The following LTBP1 variants were observed in gnomAD, a reference collection of about 807,000 sequenced individuals.
The protein encoded by LTBP1 is latent-transforming growth factor beta-binding protein 1.
A neutral mutation model predicts 207.6 loss-of-function variants in LTBP1; 129 were observed. That is an observed-to-expected ratio of 0.62 (90% CI 0.54 to 0.72). LTBP1 has a LOEUF of 0.72. Among genes scored for constraint, LTBP1 ranks in the 30% least tolerant of loss-of-function variants. The pLI is 0.00. For missense variants in LTBP1, 2,281 were observed against 2,217.2 expected, an observed-to-expected ratio of 1.03 and a Z score of -0.58; for synonymous variants, 963 against 833.7, an observed-to-expected ratio of 1.16 and a Z score of -2.67.
intron 7 of LTBP1, among the ~76,000 whole-genome samples, chr2:33,204,053 T>G (rs766748345): frequency 3.2e-4 from 49 of 152,326 alleles, no homozygotes; most frequent in African/African-American, 7.9e-4. Context: ...AAGAATCATC[T>G]GGTTTACTAA....
chr2:33,369,845 A>G (rs868761829), intron 31 of LTBP1, among the ~76,000 whole-genome samples: 2 of 152,240 alleles, frequency 1.3e-5, no homozygotes, highest in African/African-American at 4.8e-5. Flanking sequence ...CACAGGTCCT[A>G]TGATTAGTTG....
chr2:33,367,942 C>T (rs116837547), intron 31 of LTBP1, among the ~76,000 whole-genome samples: 3,866 of 152,208 alleles, frequency 0.025, 62 homozygotes, highest in South Asian at 0.049. Flanking sequence ...TGGCCGTGCG[C>T]GGTGGCTCAT....
chr2:33,005,614 T>TTTTTA (rs1686741322), intron 2 of LTBP1, among the ~76,000 whole-genome samples: 1 of 141,928 alleles, frequency 7.0e-6, no homozygotes, highest in African/African-American at 2.6e-5. Flanking sequence ...TTTTTTTTTT[T>TTTTTA]GAGACAGTGT....
chr2:33,157,598 A>G (rs75401949), intron 5 of LTBP1, among the ~76,000 whole-genome samples: 2,327 of 152,298 alleles, frequency 0.015, 24 homozygotes, highest in East Asian at 0.027. Context: ...TCTGACTCCC[A>G]TTGCATTTCC....
intron 26 of LTBP1, among the ~76,000 whole-genome samples, chr2:33,359,958 G>C (rs1463743962): frequency 6.6e-6 from 1 of 152,112 alleles, no homozygotes; most frequent in Non-Finnish European, 1.5e-5. Context: ...TTTCCTCTAG[G>C]ACACAGTTGA....
intron 2 of LTBP1, among the ~76,000 whole-genome samples, chr2:33,011,647 T>G (rs1003912499): frequency 6.6e-6 from 1 of 152,060 alleles, no homozygotes; most frequent in Non-Finnish European, 1.5e-5. Flanking sequence ...CTCTGTTATT[T>G]AAGCCCCTGA....
intron 3 of LTBP1, among the ~76,000 whole-genome samples, chr2:33,035,250 C>T (rs2149353794): frequency 6.6e-6 from 1 of 152,256 alleles, no homozygotes; most frequent in Admixed American, 6.5e-5. Flanking sequence ...TGTAGTTTTA[C>T]TTAGTTCTAA....
At chr2:33,003,318 C>T (rs1686318787) in intron 2 of LTBP1, among the ~76,000 whole-genome samples, 2 of 152,238 alleles carry the variant, frequency 1.3e-5, no homozygotes, top group African/African-American at 4.8e-5. Context: ...ACTAACTTCA[C>T]TCCCTGCTTT....
intron 24 of LTBP1, among the ~76,000 whole-genome samples, chr2:33,315,903 C>G (rs906402216): frequency 6.6e-6 from 1 of 152,142 alleles, no homozygotes; most frequent in Non-Finnish European, 1.5e-5. Flanking sequence ...CACCATTGCA[C>G]TCCAGCCTGG....
intron 26 of LTBP1, among the ~76,000 whole-genome samples, chr2:33,358,302 G>T (rs1418810544): frequency 1.3e-5 from 2 of 151,640 alleles, no homozygotes; most frequent in African/African-American, 4.8e-5. Context: ...CTCCAAAAAG[G>T]CAAAGATTGT....
chr2:33,298,874 ATG>A (rs1270540465), intron 20 of LTBP1, among the ~76,000 whole-genome samples: 1 of 152,234 alleles, frequency 6.6e-6, no homozygotes, highest in Non-Finnish European at 1.5e-5. Context: ...TCAGGAAACT[ATG>A]TCAGTATTTC....
intron 2 of LTBP1, among the ~76,000 whole-genome samples, chr2:32,986,517 C>A (rs532516768): frequency 2.0e-5 from 3 of 152,242 alleles, no homozygotes; most frequent in African/African-American, 7.2e-5. Flanking sequence ...TGACCTGAAC[C>A]GGCTACATCA....
chr2:33,121,159 CTTTTTTT>C (rs61065486), intron 4 of LTBP1, among the ~76,000 whole-genome samples: 3 of 87,536 alleles, frequency 3.4e-5, no homozygotes, highest in South Asian at 4.7e-4. Flanking sequence ...TTTGTAAAGT[CTTTTTTT>C]TTTTTTTTTT....
At chr2:33,193,254 G>A (rs545487623) in intron 7 of LTBP1, among the ~76,000 whole-genome samples, 2 of 152,234 alleles carry the variant, frequency 1.3e-5, no homozygotes, top group African/African-American at 4.8e-5. Context: ...GGATTCTCCT[G>A]CCTCAGCCTC....
intron 3 of LTBP1, among the ~76,000 whole-genome samples, chr2:33,021,739 G>C (rs111353378): frequency 6.6e-6 from 1 of 152,040 alleles, no homozygotes; most frequent in African/African-American, 2.4e-5. Flanking sequence ...CCCAGTTGCC[G>C]TGTGGGTCCA....
intron 5 of LTBP1, among the ~76,000 whole-genome samples, chr2:33,155,341 T>G (rs1210869684): frequency 6.6e-6 from 1 of 152,218 alleles, no homozygotes; most frequent in East Asian, 1.9e-4. Flanking sequence ...GTGCTAGGAT[T>G]ACAGGCGTGA....
intron 24 of LTBP1, among the ~76,000 whole-genome samples, chr2:33,318,887 T>C (rs2094312133): frequency 6.6e-6 from 1 of 152,188 alleles, no homozygotes. Flanking sequence ...ACATGAAAAA[T>C]ACTCATCATC....
At chr2:33,196,542 G>T (rs2088592708) in intron 7 of LTBP1, among the ~76,000 whole-genome samples, 1 of 152,104 alleles carries the variant, frequency 6.6e-6, no homozygotes, top group African/African-American at 2.4e-5. Context: ...GAAAAAAAAG[G>T]AGATGACTAT....
chr2:33,202,532 A>G (rs770776038), intron 7 of LTBP1, among the ~76,000 whole-genome samples: 6 of 152,246 alleles, frequency 3.9e-5, no homozygotes, highest in African/African-American at 7.2e-5. Context: ...TATGATTACA[A>G]AACAAACAAA....
Sources: allele counts gnomAD v4.1 joint callset (sites outside exome capture counted in the v4.1 genomes callset), GRCh38; gene constraint gnomAD v4.1.1; transcripts MANE v1.5; gene names NCBI Gene and HGNC (gene_info 2026-07-23, HGNC 2026-07-21).